The following ARMH3 variants were observed in gnomAD, a reference collection of about 807,000 sequenced individuals.
ARMH3 encodes armadillo-like helical domain-containing protein 3.
Under a neutral mutation model 99.1 loss-of-function variants are expected in ARMH3, and 60 were observed. That is an observed-to-expected ratio of 0.61 (90% CI 0.49 to 0.75). ARMH3 has a LOEUF of 0.75. ARMH3 is among the 30% of genes least tolerant of loss of function. The pLI, the probability that ARMH3 is intolerant of heterozygous loss-of-function variation, is 0.00. For missense variants in ARMH3, 679 were observed against 843.1 expected, an observed-to-expected ratio of 0.81 and a Z score of 2.41; for synonymous variants, 285 against 292.8, an observed-to-expected ratio of 0.97 and a Z score of 0.27.
At chr10:101,880,930 A>C (rs912647652) in intron 24 of ARMH3, among the ~76,000 whole-genome samples, 1 of 152,222 alleles carries the variant, frequency 6.6e-6, no homozygotes, top group South Asian at 2.1e-4. Flanking sequence ...CTAAAGAGCC[A>C]GCAGTTATTT....
chr10:101,903,188 A>T (rs2135507256), intron 23 of ARMH3, among the ~76,000 whole-genome samples: 1 of 152,336 alleles, frequency 6.6e-6, no homozygotes, highest in South Asian at 2.1e-4. Flanking sequence ...TTACTCTGCA[A>T]ATTGACTGCT....
chr10:101,982,309 C>T (rs1846271281), intron 19 of ARMH3, among the ~76,000 whole-genome samples: 1 of 152,092 alleles, frequency 6.6e-6, no homozygotes, highest in African/African-American at 2.4e-5. Context: ...TTGCTTGAAC[C>T]CGGGAGGCGG....
intron 19 of ARMH3, among the ~76,000 whole-genome samples, chr10:101,987,460 G>A (rs1449614781): frequency 6.6e-6 from 1 of 152,132 alleles, no homozygotes; most frequent in Admixed American, 6.6e-5. Context: ...ACATGATTAA[G>A]AGAACAGCCT....
rs577555193 is a variant in ARMH3, at chr10:101,977,521, TAGA to T, written c.1407-2224_1407-2222del. ...TAATAGAGTTACTATGTTTAATATA[TAGA>T]AGTTTATATACATAGATGATAAAAA... On this transcript the variant is annotated intron_variant, in intron 19 of 25. Coordinates refer to ENST00000370033, the MANE Select transcript of ARMH3 (RefSeq NM_024541.3). 1.2e-3 allele frequency among the ~76,000 whole-genome samples: 177 copies of T among 152,328 alleles called. 1 individual carries two copies. Among genetic ancestry groups the T allele is most frequent in the African/African-American group, 3.9e-3 (164 of 41,584 alleles).
chr10:102,001,375 C>T (rs2066357952), intron 15 of ARMH3, among the ~76,000 whole-genome samples: 2 of 152,138 alleles, frequency 1.3e-5, no homozygotes, highest in Non-Finnish European at 1.5e-5. Context: ...TACTCCACTA[C>T]TCTACCACCA....
intron 24 of ARMH3, among the ~76,000 whole-genome samples, chr10:101,860,631 TTGGGTC>T (rs1477083915): frequency 2.0e-5 from 3 of 152,198 alleles, no homozygotes; most frequent in Non-Finnish European, 4.4e-5. Flanking sequence ...ATTGCATATG[TTGGGTC>T]TGACTCAACT....
intron 24 of ARMH3, among the ~76,000 whole-genome samples, chr10:101,862,262 G>A (rs1164191823): frequency 1.3e-5 from 2 of 152,072 alleles, no homozygotes; most frequent in African/African-American, 2.4e-5. Flanking sequence ...CACATGTAAC[G>A]TGAAATAATA....
intron 24 of ARMH3, among the ~76,000 whole-genome samples, chr10:101,861,757 G>GCGCAGTGA (rs2066875763): frequency 6.7e-6 from 1 of 148,544 alleles, no homozygotes; most frequent in Admixed American, 6.7e-5. Flanking sequence ...AAAAGGCTGG[G>GCGCAGTGA]CGCAGTGACT....
At chr10:101,849,965 C>A in intron 24 of ARMH3, 73 bp from the exon 25 acceptor site, 3 of 1,391,776 alleles carry the variant, frequency 2.2e-6, no homozygotes, top group Non-Finnish European at 3.0e-6. Context: ...TTCTGCTGAT[C>A]TACTGGGTTG....
At chr10:101,936,547 C>T (rs998304747) in intron 23 of ARMH3, among the ~76,000 whole-genome samples, 3 of 142,866 alleles carry the variant, frequency 2.1e-5, no homozygotes, top group African/African-American at 2.6e-5. Context: ...ACTTAGGAAA[C>T]ACTCTGAGGA....
chr10:102,002,112 A>T, intron 14 of ARMH3, 40 bp from the exon 15 acceptor site: 1 of 1,608,620 alleles, frequency 6.2e-7, no homozygotes, highest in Non-Finnish European at 8.5e-7. Flanking sequence ...CCTGCAACAT[A>T]TTCCATCTAA....
intron 12 of ARMH3, 152 bp from the exon 13 acceptor site, chr10:102,009,601 T>C (rs1055675269): frequency 9.6e-6 from 7 of 727,128 alleles, no homozygotes; most frequent in Admixed American, 7.7e-5. Flanking sequence ...TTTGGGCGTA[T>C]GCAAAAGTGT....
chr10:101,927,713 G>C (rs148932792), intron 23 of ARMH3, among the ~76,000 whole-genome samples: 114 of 152,332 alleles, frequency 7.5e-4, no homozygotes, highest in African/African-American at 2.6e-3. Flanking sequence ...AGGACTGCTT[G>C]AGCCCAGGAG....
chr10:101,906,501 A>G (rs1445252220), intron 23 of ARMH3, among the ~76,000 whole-genome samples: 1 of 152,252 alleles, frequency 6.6e-6, no homozygotes, highest in Non-Finnish European at 1.5e-5. Flanking sequence ...AGAGATTATG[A>G]GACCTTGAAA....
Position 101,898,224 on chromosome 10 carries a change from G to A in ARMH3, c.1782-8734C>T, listed in dbSNP as rs567670275. 2.0e-5 allele frequency among the ~76,000 whole-genome samples: 3 copies of A among 151,352 alleles called. No homozygotes were observed. The East Asian group carries it at 5.8e-4, about 29-fold the overall frequency. ...TAAAATTAGCTGGGCATGGTGACAT[G>A]TGCCTGTTGTAGTCCCAGCTACTCA... On this transcript the variant is annotated intron_variant, in intron 23 of 25. Coordinates refer to ENST00000370033, the MANE Select transcript of ARMH3 (RefSeq NM_024541.3).
chr10:102,030,760 GTTTT>G (rs1174576608), intron 4 of ARMH3, among the ~76,000 whole-genome samples: 1 of 151,624 alleles, frequency 6.6e-6, no homozygotes, highest in Non-Finnish European at 1.5e-5. Flanking sequence ...CAGTTTAACA[GTTTT>G]TTTTGTTTTG....
chr10:102,048,600 T>TG (rs1564885319), intron 1 of ARMH3, among the ~76,000 whole-genome samples: 2 of 151,952 alleles, frequency 1.3e-5, no homozygotes, highest in Non-Finnish European at 2.9e-5. Flanking sequence ...CTAATTTTAG[T>TG]ATTTTTTTGT....
chr10:101,975,795 T>C (rs1402768924), intron 19 of ARMH3, among the ~76,000 whole-genome samples: 2 of 150,132 alleles, frequency 1.3e-5, no homozygotes, highest in Non-Finnish European at 3.0e-5. Flanking sequence ...AGGAGGCAGA[T>C]GTTGCAGTGA....
intron 20 of ARMH3, among the ~76,000 whole-genome samples, chr10:101,969,586 C>A (rs1213131905): frequency 2.6e-5 from 4 of 152,224 alleles, no homozygotes; most frequent in Non-Finnish European, 4.4e-5. Flanking sequence ...CCAGCTGGAT[C>A]CAGAACGCTG....
Sources: allele counts gnomAD v4.1 joint callset (sites outside exome capture counted in the v4.1 genomes callset), GRCh38; gene constraint gnomAD v4.1.1; transcripts MANE v1.5; gene names NCBI Gene and HGNC (gene_info 2026-07-23, HGNC 2026-07-21).